The following DISC1 variants were observed in gnomAD, a reference collection of about 807,000 sequenced individuals.
The protein encoded by DISC1 is DISC1 scaffold protein.
Under a neutral mutation model 84.5 loss-of-function variants are expected in DISC1, and 57 were observed. That is an observed-to-expected ratio of 0.67 (90% CI 0.55 to 0.84). The LOEUF (loss-of-function observed/expected upper bound fraction) is 0.84. Among genes scored for constraint, DISC1 ranks in the 40% least tolerant of loss-of-function variants. The pLI, the probability that DISC1 is intolerant of heterozygous loss-of-function variation, is 0.00. For missense variants in DISC1, 1,000 were observed against 1,057.8 expected (o/e 0.95, Z 0.76); for synonymous variants, 411 against 415.2 (o/e 0.99, Z 0.12).
chr1:231,725,974 G>A (rs1460814094), intron 3 of DISC1, among the ~76,000 whole-genome samples: 1 of 152,176 alleles, frequency 6.6e-6, no homozygotes, highest in East Asian at 1.9e-4. Context: ...AAAGCAGGGA[G>A]CAGACAGGAA....
intron 3 of DISC1, among the ~76,000 whole-genome samples, chr1:231,742,583 GACA>G (rs2073430677): frequency 6.6e-6 from 1 of 151,926 alleles, no homozygotes; most frequent in Admixed American, 6.6e-5. Flanking sequence ...GATCAGCCTG[GACA>G]ACATGACAAA....
At chr1:231,770,038 G>C (rs781625139) in intron 5 of DISC1, among the ~76,000 whole-genome samples, 1 of 152,098 alleles carries the variant, frequency 6.6e-6, no homozygotes, top group African/African-American at 2.4e-5. Flanking sequence ...GGGGCTGAGA[G>C]AACGTGAATA....
chr1:231,785,221 CTG>C (rs71573141), intron 6 of DISC1, among the ~76,000 whole-genome samples: 17,533 of 136,392 alleles, frequency 0.13, 1,276 homozygotes, highest in Non-Finnish European at 0.16. Flanking sequence ...ACAGATTTGT[CTG>C]TGTGTGTGTG....
Position 231,800,219 on chromosome 1 carries a change from C to A in DISC1, c.1792+9C>A, listed in dbSNP as rs757830436. 1.9e-5 allele frequency: 30 copies of A among 1,605,276 alleles called. No homozygotes were observed. The highest frequency in any genetic ancestry group is 2.6e-6 in the Non-Finnish European group (3 of 1,173,638). On this transcript the variant is annotated intron_variant, in intron 8 of 12. Coordinates refer to ENST00000439617, the MANE Select transcript of DISC1 (RefSeq NM_018662.3). Reference sequence around the variant, plus strand: ...AATGCATGCCATATCAGGTAACTGGCAGTGTAGGAGACGTTGAAGCTATCC... The same window carrying A: ...AATGCATGCCATATCAGGTAACTGGAAGTGTAGGAGACGTTGAAGCTATCC...
intron 12 of DISC1, among the ~76,000 whole-genome samples, chr1:232,029,094 T>A (rs1055040472): frequency 1.3e-5 from 2 of 152,200 alleles, no homozygotes; most frequent in East Asian, 1.9e-4. Context: ...TTACTTTAAA[T>A]TTTTAAGCTA....
intron 9 of DISC1, among the ~76,000 whole-genome samples, chr1:231,937,796 C>T (rs1220994775): frequency 1.3e-5 from 2 of 151,840 alleles, no homozygotes; most frequent in Admixed American, 6.6e-5. Context: ...AGAGGGATTC[C>T]TAAACATGCA....
intron 9 of DISC1, among the ~76,000 whole-genome samples, chr1:231,950,193 GA>G (rs993365593): frequency 1.5e-5 from 2 of 131,886 alleles, no homozygotes; most frequent in African/African-American, 2.8e-5. Context: ...AAAAAAGAAT[GA>G]AAAAAAATTC....
intron 1 of DISC1, among the ~76,000 whole-genome samples, chr1:231,645,103 A>C (rs1033215550): frequency 1.3e-5 from 2 of 152,164 alleles, no homozygotes; most frequent in Non-Finnish European, 2.9e-5. Flanking sequence ...TTTTATGATA[A>C]CTATTTAAGC....
At chr1:231,790,808 G>A (rs529829740) in intron 6 of DISC1, among the ~76,000 whole-genome samples, 37 of 152,256 alleles carry the variant, frequency 2.4e-4, no homozygotes, top group African/African-American at 7.7e-4. Context: ...GTGAGCCACC[G>A]CGCCTGGCCT....
rs2076528215 is a variant in DISC1, at chr1:231,771,199, T to C, written c.1634+129T>C. On this transcript the variant is annotated intron_variant, in intron 6 of 12. Coordinates refer to ENST00000439617, the MANE Select transcript of DISC1 (RefSeq NM_018662.3). ...TCTGTATTTTTCAGTGGAAGCACCA[T>C]TGGTGTTTTGGGTGGGAAAATTCTT... 3 of 1,453,650 alleles carry C rather than the reference T, an allele frequency of 2.1e-6. No individual in the cohort carries two copies. In the South Asian group the frequency reaches 4.5e-5, roughly 22 times the overall value. The allele number at this position is 1,453,650 out of a possible 1,614,324, so 90.0% of individuals were successfully genotyped here. A position where few individuals can be genotyped will look rare whatever the true frequency, so the allele number is the denominator to read the frequency against.
Position 231,872,296 on chromosome 1 carries a change from G to C in DISC1, c.1981+53779G>C, listed in dbSNP as rs1193727201. Among the ~76,000 whole-genome samples, 4 of 151,998 alleles carry C rather than the reference G, an allele frequency of 2.6e-5. No individual in the cohort carries two copies. The South Asian group carries it at 8.3e-4, about 32-fold the overall frequency. On this transcript the variant is annotated intron_variant, in intron 9 of 12. Coordinates refer to ENST00000439617, the MANE Select transcript of DISC1 (RefSeq NM_018662.3). Reference sequence around the variant, plus strand: ...TCCCATCTTAGTAATGAAAAAAAATGTATGTGTCATGTGGTTCTTTTGTAA... The same window carrying C: ...TCCCATCTTAGTAATGAAAAAAAATCTATGTGTCATGTGGTTCTTTTGTAA...
intron 6 of DISC1, among the ~76,000 whole-genome samples, chr1:231,776,257 A>G (rs2076957550): frequency 6.6e-6 from 1 of 152,198 alleles, no homozygotes; most frequent in African/African-American, 2.4e-5. Flanking sequence ...GATGCTTTCT[A>G]ACATTCTTTA....
chr1:231,776,342 A>G (rs1158514402), intron 6 of DISC1, among the ~76,000 whole-genome samples: 1 of 152,172 alleles, frequency 6.6e-6, no homozygotes, highest in Non-Finnish European at 1.5e-5. Flanking sequence ...TTCATGCTTC[A>G]TGTGAAATGT....
chr1:231,827,757 T>C (rs1203931435), intron 9 of DISC1, among the ~76,000 whole-genome samples: 1 of 152,186 alleles, frequency 6.6e-6, no homozygotes, highest in Non-Finnish European at 1.5e-5. Flanking sequence ...CTGTGTCTAA[T>C]CCACTTTCCA....
chr1:231,666,145 A>AT (rs527878320), intron 1 of DISC1, among the ~76,000 whole-genome samples: 6 of 150,522 alleles, frequency 4.0e-5, no homozygotes, highest in Non-Finnish European at 7.4e-5. Flanking sequence ...GGTAATGCTT[A>AT]TTTTTTTTTG....
chr1:231,734,502 C>T (rs1199055090), intron 3 of DISC1, among the ~76,000 whole-genome samples: 5 of 152,014 alleles, frequency 3.3e-5, no homozygotes, highest in Non-Finnish European at 5.9e-5. Context: ...CTCTCTCTCA[C>T]GCACACACAC....
At chr1:231,844,576 C>G (rs2083308151) in intron 9 of DISC1, among the ~76,000 whole-genome samples, 1 of 152,080 alleles carries the variant, frequency 6.6e-6, no homozygotes, top group South Asian at 2.1e-4. Flanking sequence ...AAAGGCAGGA[C>G]AACTTGAAGC....
chr1:231,658,732 T>C (rs1017600905), intron 1 of DISC1, among the ~76,000 whole-genome samples: 4 of 152,238 alleles, frequency 2.6e-5, no homozygotes, highest in Non-Finnish European at 5.9e-5. Context: ...TATATTGAGA[T>C]AATCATGTGG....
intron 1 of DISC1, among the ~76,000 whole-genome samples, chr1:231,686,559 G>T (rs1248676784): frequency 6.6e-6 from 1 of 152,136 alleles, no homozygotes; most frequent in African/African-American, 2.4e-5. Flanking sequence ...GGGGACCCTG[G>T]GCCCGGCCCA....
Sources: gnomAD v4.1 joint callset for allele counts (sites outside exome capture counted in the v4.1 genomes callset) on GRCh38, gnomAD v4.1.1 for gene constraint, MANE v1.5 for transcripts, NCBI Gene and HGNC (gene_info 2026-07-23, HGNC 2026-07-21) for gene names.